Variants in FCHSD2 observed in about 807,000 individuals in gnomAD.
FCHSD2 encodes the protein F-BAR and double SH3 domains protein 2.
Under a neutral mutation model 108.1 loss-of-function variants are expected in FCHSD2, and 38 were observed. That is an observed-to-expected ratio of 0.35 (90% confidence interval 0.27 to 0.46). The LOEUF is 0.46. FCHSD2 is among the 20% of genes least tolerant of loss of function. The pLI, the probability that FCHSD2 is intolerant of heterozygous loss-of-function variation, is 1.00. For synonymous variants in FCHSD2, 279 were observed against 314.7 expected (o/e 0.89, Z 1.20); for missense variants, 751 against 897.8 (o/e 0.84, Z 2.09).
intron 13 of FCHSD2, among the ~76,000 whole-genome samples, chr11:72,866,721 C>A (rs1854735957): frequency 6.6e-6 from 1 of 152,160 alleles, no homozygotes; most frequent in Admixed American, 6.5e-5. Flanking sequence ...TGTAGACCCA[C>A]ACACAACCCT....
chr11:72,938,076 C>T lies in FCHSD2; in HGVS notation c.706-16126G>A, dbSNP rs542025743. Among the ~76,000 whole-genome samples the T allele has an allele frequency of 2.0e-5, 3 of 152,122 alleles. No individual in the cohort carries two copies. In the South Asian group the frequency reaches 6.2e-4, roughly 32 times the overall value. On this transcript the variant is annotated intron_variant, in intron 8 of 19. Coordinates refer to ENST00000409418, the MANE Select transcript of FCHSD2 (RefSeq NM_014824.3). ...GGAAAGCATTCCAGGTAGGGAAATA[C>T]ATCCCCAGCACCCTCAATGGCAGAA...
chr11:73,137,098 G>A (rs191509868), intron 2 of FCHSD2, among the ~76,000 whole-genome samples: 12 of 152,166 alleles, frequency 7.9e-5, no homozygotes, highest in Admixed American at 7.9e-4. Context: ...CCACTTACTA[G>A]GGCAGACAAG....
intron 3 of FCHSD2, among the ~76,000 whole-genome samples, chr11:73,079,440 C>T (rs1246105304): frequency 2.6e-5 from 4 of 151,958 alleles, no homozygotes; most frequent in East Asian, 1.9e-4. Context: ...TGTCGTGATC[C>T]GCCCGCTTCA....
intron 10 of FCHSD2, among the ~76,000 whole-genome samples, chr11:72,894,793 A>C (rs933238307): frequency 6.6e-6 from 1 of 152,096 alleles, no homozygotes; most frequent in Non-Finnish European, 1.5e-5. Flanking sequence ...AACTAATAAG[A>C]GGTTATTTAT....
chr11:73,044,918 A>C (rs984575386), intron 3 of FCHSD2, among the ~76,000 whole-genome samples: 4 of 152,022 alleles, frequency 2.6e-5, no homozygotes, highest in African/African-American at 9.7e-5. Flanking sequence ...AAAATACAAA[A>C]AATTAGCCGG....
At chr11:72,887,848 A>T (rs1855230571) in intron 11 of FCHSD2, among the ~76,000 whole-genome samples, 1 of 152,200 alleles carries the variant, frequency 6.6e-6, no homozygotes, top group Admixed American at 6.5e-5. Flanking sequence ...GAGACCATCC[A>T]ATACTCAGAT....
intron 1 of FCHSD2, 21 bp downstream of exon 1, chr11:73,141,836 G>GC (rs1861256167): frequency 1.3e-6 from 2 of 1,542,590 alleles, no homozygotes; most frequent in Non-Finnish European, 8.7e-7. Context: ...GAACCCCAAA[G>GC]CCCCCCAGCT....
intron 3 of FCHSD2, among the ~76,000 whole-genome samples, chr11:73,049,623 A>G (rs911058902): frequency 1.3e-5 from 2 of 150,926 alleles, no homozygotes; most frequent in Non-Finnish European, 1.5e-5. Flanking sequence ...AGCATGGCAC[A>G]TGTATACATA....
At chr11:73,114,833 C>G (rs1459719367) in intron 2 of FCHSD2, among the ~76,000 whole-genome samples, 23 of 152,070 alleles carry the variant, frequency 1.5e-4, no homozygotes, top group Non-Finnish European at 2.9e-5. Flanking sequence ...CTCTCCTCTT[C>G]TCAAGCGGAA....
At chr11:72,873,147 G>A (rs1028853667) in intron 12 of FCHSD2, among the ~76,000 whole-genome samples, 5 of 151,920 alleles carry the variant, frequency 3.3e-5, no homozygotes, top group African/African-American at 1.2e-4. Context: ...GGCCAACACA[G>A]TGAAACCCCA....
intron 2 of FCHSD2, among the ~76,000 whole-genome samples, chr11:73,123,369 T>A (rs902662255): frequency 6.6e-6 from 1 of 152,210 alleles, no homozygotes; most frequent in African/African-American, 2.4e-5. Context: ...TATCAAACAA[T>A]GCATATTAAA....
chr11:72,839,571 G>A (rs1860843998), intron 19 of FCHSD2, among the ~76,000 whole-genome samples: 1 of 152,128 alleles, frequency 6.6e-6, no homozygotes, highest in Admixed American at 6.5e-5. Flanking sequence ...GGTATACCTG[G>A]CAGGATTTGG....
In FCHSD2 at chr11:73,044,847, G is replaced by C. The variant is rs183978829; in HGVS notation, c.166-28962C>G. Among the ~76,000 whole-genome samples, 795 of 152,238 alleles carry C rather than the reference G, an allele frequency of 5.2e-3. 5 individuals carry two copies. Among genetic ancestry groups the C allele is most frequent in the African/African-American group, 0.019 (771 of 41,552 alleles). Reference sequence around the variant, plus strand: ...GTACTTTGGGAGGCCGAGGCAGGTGGATCACGAGGTCAGGAGATCGAGACC... The same window carrying C: ...GTACTTTGGGAGGCCGAGGCAGGTGCATCACGAGGTCAGGAGATCGAGACC... On this transcript the variant is annotated intron_variant, in intron 3 of 19. Coordinates refer to ENST00000409418, the MANE Select transcript of FCHSD2 (RefSeq NM_014824.3).
intron 5 of FCHSD2, 105 bp from the exon 6 acceptor site, chr11:72,989,202 G>A: frequency 3.6e-6 from 3 of 833,708 alleles, no homozygotes; most frequent in Non-Finnish European, 5.4e-6. Context: ...GGAAATCCAG[G>A]GGAAAAGTCA....
chr11:72,987,798 G>C (rs1857337888), intron 6 of FCHSD2, among the ~76,000 whole-genome samples: 1 of 151,728 alleles, frequency 6.6e-6, no homozygotes, highest in Non-Finnish European at 1.5e-5. Context: ...GAAAGTTTAA[G>C]AAAACAAGTT....
rs1451923824 is a variant in FCHSD2 at position 73,003,582 on chromosome 11, G to C, written c.243-2448C>G. ...GCTCACTGCAAGCTCCACCTCCCGG[G>C]TTCACGCCATTCTCCTGCCTCAGCC... On this transcript the variant is annotated intron_variant, in intron 4 of 19. Coordinates refer to ENST00000409418, the MANE Select transcript of FCHSD2 (RefSeq NM_014824.3). Among the ~76,000 whole-genome samples, 10 of 149,832 alleles carry C rather than the reference G, an allele frequency of 6.7e-5. No individual in the cohort carries two copies. The South Asian group carries it at 2.1e-3, about 32-fold the overall frequency.
intron 4 of FCHSD2, among the ~76,000 whole-genome samples, chr11:73,012,225 G>A (rs1356483641): frequency 6.6e-6 from 1 of 152,196 alleles, no homozygotes; most frequent in Non-Finnish European, 1.5e-5. Flanking sequence ...CTGACATGAA[G>A]GGATTTCTAA....
At chr11:72,944,284 A>G (rs1459694108) in intron 8 of FCHSD2, among the ~76,000 whole-genome samples, 1 of 152,232 alleles carries the variant, frequency 6.6e-6, no homozygotes, top group African/African-American at 2.4e-5. Context: ...TATAAACAGA[A>G]CCAACGACAA....
intron 13 of FCHSD2, among the ~76,000 whole-genome samples, chr11:72,853,448 T>C (rs1485865712): frequency 6.6e-6 from 1 of 152,220 alleles, no homozygotes; most frequent in Non-Finnish European, 1.5e-5. Context: ...AGAGTCTCGC[T>C]CTGTTGCCCA....
Sources: gnomAD v4.1 joint callset for allele counts (sites outside exome capture counted in the v4.1 genomes callset) on GRCh38, gnomAD v4.1.1 for gene constraint, MANE v1.5 for transcripts, NCBI Gene and HGNC (gene_info 2026-07-23, HGNC 2026-07-21) for gene names.